FAT1: variants seen among roughly 807,000 people sequenced by gnomAD.
FAT1 encodes FAT atypical cadherin 1.
FAT1 carries 171 observed loss-of-function variants against 329.8 expected under a neutral mutation model. The ratio of observed to expected loss-of-function variants is 0.52; its 90% CI spans 0.46 to 0.59. The LOEUF is 0.59. Ranked by LOEUF, FAT1 falls within the 20% of genes least tolerant of loss-of-function variation. The pLI is 0.00. For missense variants in FAT1, 5,672 were observed against 5,774.4 expected, an observed-to-expected ratio of 0.98 and a Z score of 0.57; for synonymous variants, 2,233 against 2,228.6, an observed-to-expected ratio of 1.00 and a Z score of -0.06.
chr4:186,594,984 G>A (rs1324940691), intron 26 of FAT1, among the ~76,000 whole-genome samples: 1 of 151,916 alleles, frequency 6.6e-6, no homozygotes, highest in Non-Finnish European at 1.5e-5. Flanking sequence ...AAACTACATT[G>A]TGTTACTGAA....
intron 2 of FAT1, among the ~76,000 whole-genome samples, chr4:186,694,298 T>G (rs1005507459): frequency 1.3e-5 from 2 of 152,234 alleles, no homozygotes; most frequent in Admixed American, 1.3e-4. Flanking sequence ...TCTACTCAAA[T>G]ACACAGTGAA....
intron 2 of FAT1, among the ~76,000 whole-genome samples, chr4:186,701,154 T>A (rs912610718): frequency 6.6e-6 from 1 of 152,220 alleles, no homozygotes; most frequent in African/African-American, 2.4e-5. Context: ...TGAATCTCTG[T>A]TGTTTTTAGT....
intron 1 of FAT1, among the ~76,000 whole-genome samples, chr4:186,716,967 G>A (rs1745235561): frequency 6.6e-6 from 1 of 152,026 alleles, no homozygotes; most frequent in Non-Finnish European, 1.5e-5. Flanking sequence ...TATTTTAGTA[G>A]AGACGGCCAG....
chr4:186,627,014 GAA>G (rs1740340974), intron 9 of FAT1, among the ~76,000 whole-genome samples: 1 of 24,396 alleles, frequency 4.1e-5, no homozygotes, highest in African/African-American at 4.3e-4. Flanking sequence ...CCCACAGAAT[GAA>G]TGAATGAATG....
intron 15 of FAT1, 87 bp from the exon 16 acceptor site, chr4:186,609,407 T>A: frequency 6.9e-7 from 1 of 1,441,814 alleles, no homozygotes; most frequent in Non-Finnish European, 9.3e-7. Context: ...ATAGCTTAGC[T>A]GTTTCTTTTT....
chr4:186,639,030 T>C (rs1740973988), intron 4 of FAT1, among the ~76,000 whole-genome samples: 1 of 149,618 alleles, frequency 6.7e-6, no homozygotes, highest in South Asian at 2.1e-4. Flanking sequence ...TCGCGGCCTT[T>C]TTCTGCAATG....
At position 186,619,090 on chromosome 4, in the gene FAT1, A is replaced by G. The variant is rs1289424437; in HGVS notation, c.7496T>C (p.Val2499Ala). 6.2e-7 allele frequency: 1 copy of G among 1,613,882 alleles called. No homozygotes were observed. Among genetic ancestry groups the G allele is most frequent in the South Asian group, 1.1e-5 (1 of 91,062 alleles). ...TAGGGGAGCGTTTTCAGCTAGTTCCACTTCATATTCGTTCTGAAGGAAAGC... is the reference window on the plus strand; with the variant it reads ...TAGGGGAGCGTTTTCAGCTAGTTCCGCTTCATATTCGTTCTGAAGGAAAGC... ...SPAFLQNEYEVELAENAPLHT... is the reference protein window; with the variant it reads ...SPAFLQNEYEAELAENAPLHT... The change falls in exon 10 of 27, where the codon GTG becomes GCG. Residue 2499 changes from valine to alanine, a missense_variant. Val to Ala is a moderately conservative substitution (Grantham distance 64). This residue lies in a region of FAT1 where 3,966 missense variants were observed against 3,915.2 expected (regional missense o/e 1.01). Transcript: ENST00000441802.
intron 3 of FAT1, among the ~76,000 whole-genome samples, chr4:186,647,402 TGCAAAG>T (rs1741431720): frequency 6.6e-6 from 1 of 152,214 alleles, no homozygotes; most frequent in Non-Finnish European, 1.5e-5. Flanking sequence ...GCCAGCTAAA[TGCAAAG>T]CTGAGATTTG....
intron 3 of FAT1, among the ~76,000 whole-genome samples, chr4:186,659,638 AC>A (rs1742072981): frequency 7.0e-6 from 1 of 143,080 alleles, no homozygotes; most frequent in African/African-American, 2.7e-5. Context: ...CCCCTGAACA[AC>A]CCTGGGCGCT....
intron 11 of FAT1, 139 bp downstream of exon 11, chr4:186,616,866 C>A (rs112178484): frequency 1.5e-6 from 1 of 687,748 alleles, no homozygotes; most frequent in Non-Finnish European, 2.4e-6. Context: ...CAAGTCTTAC[C>A]CCATTTAACA....
chr4:186,599,044 G>A (rs376083691), intron 22 of FAT1, among the ~76,000 whole-genome samples: 14 of 152,268 alleles, frequency 9.2e-5, no homozygotes, highest in East Asian at 7.7e-4. Context: ...CTCCTGCTTC[G>A]GGACCATGGG....
chr4:186,611,961 T>C (rs955426685), intron 13 of FAT1, among the ~76,000 whole-genome samples, 186 bp from the exon 14 acceptor site: 1 of 150,982 alleles, frequency 6.6e-6, no homozygotes, highest in Non-Finnish European at 1.5e-5. Context: ...GTGGCTGGGG[T>C]TACAGACACA....
chr4:186,618,977 T>A lies in FAT1; in HGVS notation c.7609A>T (p.Lys2537Ter). 1 of 1,614,010 alleles carries A rather than the reference T, an allele frequency of 6.2e-7. No individual in the cohort carries two copies. Residue 2537 changes from lysine (K) to a stop codon, truncating the protein, a stop_gained, in exon 10 of 27, where the codon AAA (lysine) becomes TAA (stop). Transcript: ENST00000441802. LOFTEE classifies it high-confidence loss of function. Reference protein sequence around the residue: ...VTYHIVNDFAKDRFYINERGQ... With the variant: ...VTYHIVNDFA The stretch of plus-strand genomic sequence containing the variant: ...CTCTCATTTATGTAAAATCTGTCTT[T>A]GGCAAAGTCATTTACAATATGGTAA...
At chr4:186,704,943 C>CTTTTTTTT (rs575252840) in intron 2 of FAT1, among the ~76,000 whole-genome samples, 2 of 120,654 alleles carry the variant, frequency 1.7e-5, no homozygotes, top group Admixed American at 8.6e-5. Flanking sequence ...TCCAAAATAA[C>CTTTTTTTT]TTTTTTTTTT....
Position 186,619,168 on chromosome 4 carries a change from C to CT in FAT1, c.7417dup (p.Arg2473LysfsTer26). ...AGTTACATGAACCTGGGTGGAACTT[C>CT]TAAAAACTCCATCAGACACTGACAG... On this transcript the variant is annotated frameshift_variant, in exon 10 of 27. Transcript: ENST00000441802. LOFTEE classifies it high-confidence loss of function. 6.2e-7 allele frequency: 1 copy of CT among 1,613,960 alleles called. No homozygotes were observed. Among genetic ancestry groups the CT allele is most frequent in the Non-Finnish European group, 8.5e-7 (1 of 1,179,904 alleles).
At chr4:186,654,579 A>AT (rs1741816958) in intron 3 of FAT1, among the ~76,000 whole-genome samples, 4 of 152,138 alleles carry the variant, frequency 2.6e-5, no homozygotes, top group Admixed American at 2.6e-4. Flanking sequence ...ATGAGATGGG[A>AT]TTTTGAGTAA....
chr4:186,706,683 C>G lies in FAT1; in HGVS notation c.3145G>C (p.Val1049Leu), dbSNP rs1391706725. 1 of 1,614,024 alleles carries G rather than the reference C, an allele frequency of 6.2e-7. No individual in the cohort carries two copies. Among genetic ancestry groups the G allele is most frequent in the South Asian group, 1.1e-5 (1 of 91,088 alleles). ...GACACCGTCATTACCAATGAACCAA[C>G]AGGTGCATCTTCTTTCACTGTCCCC... ...EKGTVKEDAPVGSLVMTVSAH... is the reference protein window; with the variant it reads ...EKGTVKEDAPLGSLVMTVSAH... The change falls in exon 2 of 27, where the codon GTT becomes CTT. Residue 1049 changes from valine to leucine, a missense_variant. By Grantham distance (32) the Val-to-Leu change is conservative (BLOSUM62 1). Coordinates refer to ENST00000441802, the MANE Select transcript of FAT1 (RefSeq NM_005245.4).
At chr4:186,612,182 C>T (rs1173093094) in intron 13 of FAT1, among the ~76,000 whole-genome samples, 1 of 151,582 alleles carries the variant, frequency 6.6e-6, no homozygotes, top group Admixed American at 6.6e-5. Context: ...ACATTATTCG[C>T]AAATTTGTAT....
chr4:186,714,951 G>C (rs558665487), intron 1 of FAT1, among the ~76,000 whole-genome samples: 1 of 152,058 alleles, frequency 6.6e-6, no homozygotes, highest in Non-Finnish European at 1.5e-5. Context: ...GGTGGTGTGC[G>C]CCTGTAGTCC....
Sources: gnomAD v4.1 joint callset for allele counts (sites outside exome capture counted in the v4.1 genomes callset) on GRCh38, gnomAD v4.1.1 for gene constraint, gnomAD v4.1.1 regional missense constraint, MANE v1.5 for transcripts, NCBI Gene and HGNC (gene_info 2026-07-23, HGNC 2026-07-21) for gene names.